PATL2: variants seen among roughly 807,000 people sequenced by gnomAD.
PATL2 encodes the protein PAT1 homolog 2, also known as protein PAT1 homolog 2.
PATL2 carries 73 observed loss-of-function variants against 77.0 expected under a neutral mutation model. That is an observed-to-expected ratio of 0.95 (90% confidence interval 0.78 to 1.15). PATL2 has a LOEUF of 1.15. PATL2 is among the 50% of genes most tolerant of loss of function. The pLI is 0.00. For missense variants in PATL2, 618 were observed against 655.4 expected (o/e 0.94, Z 0.62); for synonymous variants, 265 against 257.1 (o/e 1.03, Z -0.29).
rs1333838670 is a variant in PATL2 at position 44,669,759 on chromosome 15, G to T, written c.876+18C>A. On this transcript the variant is annotated intron_variant, in intron 11 of 17. Transcript: ENST00000682850. ...TCCAAAGGGGAGAGAAAAATGTCTG[G>T]GAAGATAGTGCTCCCACCTGCTCTT... The T allele has an allele frequency of 1.3e-6, 2 of 1,550,978 alleles. No individual in the cohort carries two copies. The highest frequency in any genetic ancestry group is 1.2e-5 in the South Asian group (1 of 84,038).
At chr15:44,702,388 A>C (rs1360155737) in intron 3 of PATL2, among the ~76,000 whole-genome samples, 1 of 147,488 alleles carries the variant, frequency 6.8e-6, no homozygotes, top group African/African-American at 2.5e-5. Flanking sequence ...TTTTTTTCTT[A>C]GCGAGTCTGG....
intron 3 of PATL2, among the ~76,000 whole-genome samples, chr15:44,698,608 TTGTGTA>T (rs1444532547): frequency 6.6e-6 from 1 of 152,210 alleles, no homozygotes; most frequent in East Asian, 1.9e-4. Context: ...ACACACTCCA[TTGTGTA>T]TGTGTACCAC....
rs1566853091 is a variant in PATL2, at chr15:44,672,402, A to G, written c.501T>C (p.His167=). The G allele has an allele frequency of 7.1e-6, 11 of 1,551,496 alleles. No homozygotes were observed. Among genetic ancestry groups the G allele is most frequent in the Non-Finnish European group, 9.6e-6 (11 of 1,146,966 alleles). ...RHQRILQQQQ[H]SQTPSPPAKK... ...CTGGGCTTTACCTTGGTGTTTGACT[A>G]TGCTGCTGCTGCTGCAAGATTCGTT... The change falls in exon 8 of 18, where the codon CAT becomes CAC. Residue 167 remains histidine (H), a synonymous_variant. Coordinates refer to ENST00000682850, the MANE Select transcript of PATL2 (RefSeq NM_001387263.1).
At chr15:44,691,141 A>G (rs1014132960) in intron 3 of PATL2, among the ~76,000 whole-genome samples, 1 of 152,086 alleles carries the variant, frequency 6.6e-6, no homozygotes, top group Non-Finnish European at 1.5e-5. Flanking sequence ...TTTGGTTATA[A>G]AAAACTCAAA....
At chr15:44,683,192 GT>G (rs746909247) in intron 3 of PATL2, among the ~76,000 whole-genome samples, 22 of 149,854 alleles carry the variant, frequency 1.5e-4, no homozygotes, top group Admixed American at 2.7e-4. Flanking sequence ...GCTAGCTGCA[GT>G]TTTTTTTTTC....
rs569652619 is a variant in PATL2, at chr15:44,680,892, G to T, written c.-75-4327C>A. Among the ~76,000 whole-genome samples, 3 of 152,280 alleles carry T rather than the reference G, an allele frequency of 2.0e-5. 1 individual carries two copies. The highest frequency in any genetic ancestry group is 7.2e-5 in the African/African-American group (3 of 41,542). On this transcript the variant is annotated intron_variant, in intron 3 of 17. Coordinates refer to ENST00000682850, the MANE Select transcript of PATL2 (RefSeq NM_001387263.1). ...CGTATTAGTTCTCTGCAAATGCAGG[G>T]TCAAGACAAGTCCCCTACCCTTACT... is the stretch of plus-strand genomic sequence containing the variant.
chr15:44,709,367 T>C (rs889215949), intron 3 of PATL2, among the ~76,000 whole-genome samples: 2 of 152,154 alleles, frequency 1.3e-5, no homozygotes, highest in Non-Finnish European at 2.9e-5. Flanking sequence ...ATTGCACTAC[T>C]GGGAGATAAA....
intron 3 of PATL2, among the ~76,000 whole-genome samples, chr15:44,685,388 C>T (rs2086231123): frequency 6.6e-6 from 1 of 152,182 alleles, no homozygotes; most frequent in Non-Finnish European, 1.5e-5. Flanking sequence ...GCGGGTGGAT[C>T]ACGAGGTCAA....
At chr15:44,686,124 C>T (rs1345393263) in intron 3 of PATL2, among the ~76,000 whole-genome samples, 9 of 152,180 alleles carry the variant, frequency 5.9e-5, no homozygotes, top group African/African-American at 9.7e-5. Flanking sequence ...AGCACCACAT[C>T]GCACTTGTTC....
intron 14 of PATL2, 106 bp from the exon 15 acceptor site, chr15:44,668,588 G>C: frequency 7.2e-7 from 1 of 1,385,106 alleles, no homozygotes; most frequent in Non-Finnish European, 9.7e-7. Flanking sequence ...GGCACGTCCT[G>C]GTGAGGTTAC....
chr15:44,706,499 A>G (rs1374445851), intron 3 of PATL2, among the ~76,000 whole-genome samples: 6 of 152,222 alleles, frequency 3.9e-5, no homozygotes, highest in Non-Finnish European at 4.4e-5. Context: ...ACAACTTAAC[A>G]CTGATTACTC....
chr15:44,668,936 C>G (rs1247840399), intron 14 of PATL2, 44 bp downstream of exon 14: 2 of 1,486,032 alleles, frequency 1.3e-6, no homozygotes, highest in African/African-American at 2.8e-5. Context: ...TGACCCCTAA[C>G]CTATTCAGGA....
At position 44,668,278 on chromosome 15, in the gene PATL2, T is replaced by A. The variant is rs1027772195; in HGVS notation, c.1365+64A>T. On this transcript the variant is annotated intron_variant, in intron 15 of 17. Transcript: ENST00000682850. ...GTAGAGATGAGACTGTCCCCCAACT[T>A]ACCCCTTATCAGTGATACCAACCTG... The A allele has an allele frequency of 4.0e-6, 6 of 1,495,882 alleles. No individual in the cohort carries two copies. In the African/African-American group the frequency reaches 8.4e-5, roughly 21 times the overall value. The allele number at this position is 1,495,882 out of a possible 1,614,324, so 92.7% of individuals were successfully genotyped here. A position where few individuals can be genotyped will look rare whatever the true frequency, so the allele number is the denominator to read the frequency against.
In PATL2 at chr15:44,669,101, C is replaced by G. The variant is rs2085530124; in HGVS notation, c.1103G>C (p.Arg368Thr). 5.2e-6 allele frequency: 8 copies of G among 1,547,846 alleles called. No individual in the cohort carries two copies. In the South Asian group the frequency reaches 8.4e-5, roughly 16 times the overall value. ...CCGGGCCACCAGGGCCTTCCCCTTCCTCACAGAGAGCACCTGCAGGAAGCC... is the reference window on the plus strand; with the variant it reads ...CCGGGCCACCAGGGCCTTCCCCTTCGTCACAGAGAGCACCTGCAGGAAGCC... Reference protein sequence around the residue: ...ADGFLQVLSVRKGKALVARLL... With the variant: ...ADGFLQVLSVTKGKALVARLL... The change falls in exon 14 of 18, where the codon AGG (arginine) becomes ACG (threonine). Residue 368 changes from arginine (R) to threonine (T), a missense_variant. Arg to Thr is a moderately conservative substitution (Grantham distance 71). Coordinates refer to ENST00000682850, the MANE Select transcript of PATL2 (RefSeq NM_001387263.1).
intron 3 of PATL2, among the ~76,000 whole-genome samples, chr15:44,686,004 C>T (rs1289108393): frequency 6.6e-6 from 1 of 152,116 alleles, no homozygotes; most frequent in South Asian, 2.1e-4. Flanking sequence ...ATCAACGAGA[C>T]AGAAAATTAA....
chr15:44,694,473 C>T (rs1220226103), intron 3 of PATL2, among the ~76,000 whole-genome samples: 2 of 152,116 alleles, frequency 1.3e-5, no homozygotes, highest in Non-Finnish European at 2.9e-5. Flanking sequence ...CTAGAGAGAG[C>T]TGTTTTCCTT....
Position 44,676,554 on chromosome 15 carries a change from T to C in PATL2, c.-64A>G. On this transcript the variant is annotated 5_prime_UTR_variant, in exon 4 of 18. Transcript: ENST00000682850. ...CCAGTGAAACAGCATTGCCAGCCTC[T>C]GGAAGGTAAACCTGAGACAAGAAAG... The C allele has an allele frequency of 6.4e-7, 1 of 1,550,704 alleles. No homozygotes were observed. Among genetic ancestry groups the C allele is most frequent in the East Asian group, 2.4e-5 (1 of 40,878 alleles).
chr15:44,690,487 C>T (rs561363979), intron 3 of PATL2, among the ~76,000 whole-genome samples: 10 of 150,370 alleles, frequency 6.7e-5, no homozygotes, highest in East Asian at 3.9e-4. Flanking sequence ...CACAGGCACA[C>T]GCAACCATGC....
chr15:44,706,776 A>G (rs1037122917), intron 3 of PATL2, among the ~76,000 whole-genome samples: 1 of 152,236 alleles, frequency 6.6e-6, no homozygotes, highest in African/African-American at 2.4e-5. Flanking sequence ...TGTTCACTCA[A>G]GGCCCTATGG....
Sources: allele counts gnomAD v4.1 joint callset (sites outside exome capture counted in the v4.1 genomes callset), GRCh38; gene constraint gnomAD v4.1.1; transcripts MANE v1.5; gene names NCBI Gene and HGNC (gene_info 2026-07-23, HGNC 2026-07-21).